ERGIC1: variants seen among roughly 807,000 people sequenced by gnomAD.
ERGIC1 encodes endoplasmic reticulum-Golgi intermediate compartment protein 1.
ERGIC1 carries 19 observed loss-of-function variants against 38.3 expected under a neutral mutation model. The observed-to-expected ratio is 0.50, with a 90% CI of 0.35 to 0.73. The LOEUF (loss-of-function observed/expected upper bound fraction) is 0.73. Among genes scored for constraint, ERGIC1 ranks in the 30% least tolerant of loss-of-function variants. ERGIC1 has a pLI of 0.01. For missense variants in ERGIC1, 294 were observed against 389.2 expected (o/e 0.76, Z 2.06); for synonymous variants, 124 against 157.6 (o/e 0.79, Z 1.60).
chr5:172,914,471 C>T (rs1763298295), intron 4 of ERGIC1: 7 of 595,470 alleles, frequency 1.2e-5, no homozygotes, highest in Middle Eastern at 4.4e-4. Context: ...TTCAGAGGAC[C>T]AGTATGGCAG....
At chr5:172,867,296 T>TCCCA (rs1358647428) in intron 1 of ERGIC1, 2 of 418,910 alleles carry the variant, frequency 4.8e-6, no homozygotes, top group South Asian at 3.4e-5. Flanking sequence ...GTGGTGGACC[T>TCCCA]CCCAGGTGGG....
intron 4 of ERGIC1, among the ~76,000 whole-genome samples, chr5:172,913,542 T>G (rs1763264597): frequency 6.6e-6 from 1 of 152,256 alleles, no homozygotes; most frequent in Non-Finnish European, 1.5e-5. Context: ...TCTGTCCTCA[T>G]CGAGGAACAC....
At chr5:172,919,908 C>T (rs1003689927) in intron 5 of ERGIC1, among the ~76,000 whole-genome samples, 2 of 152,212 alleles carry the variant, frequency 1.3e-5, no homozygotes, top group East Asian at 3.9e-4. Context: ...ATGGCTGCCA[C>T]GTACTAGGTT....
intron 3 of ERGIC1, among the ~76,000 whole-genome samples, chr5:172,908,241 A>G (rs1763085937): frequency 7.1e-6 from 1 of 140,060 alleles, no homozygotes; most frequent in Admixed American, 7.4e-5. Context: ...TGTAAGAGAG[A>G]GGTGGAGGCC....
intron 8 of ERGIC1, 72 bp downstream of exon 8, chr5:172,932,608 C>A: frequency 6.9e-7 from 1 of 1,452,044 alleles, no homozygotes; most frequent in Admixed American, 1.8e-5. Flanking sequence ...AGATGACAGG[C>A]GGCTGCACCG....
At chr5:172,908,328 A>AGGAGGTGGGGGAGGAGGGGG (rs1561729710) in intron 3 of ERGIC1, among the ~76,000 whole-genome samples, 2 of 236 alleles carry the variant, frequency 8.5e-3, no homozygotes, top group Non-Finnish European at 7.7e-3. Flanking sequence ...GAGAGAGGGG[A>AGGAGGTGGGGGAGGAGGGGG]GGGGGGGAGG....
At position 172,914,808 on chromosome 5, in the gene ERGIC1, C is replaced by A; in HGVS notation, c.345C>A (p.Cys115Ter). The change falls in exon 5 of 10, where the codon TGC (cysteine) becomes TGA (stop). Residue 115 changes from cysteine to a stop codon, truncating the protein, a stop_gained. Coordinates refer to ENST00000393784, the MANE Select transcript of ERGIC1 (RefSeq NM_001031711.3). LOFTEE classifies it high-confidence loss of function. ...TCCCGCTGAACAATGGGGCAGGCTG[C>A]CGCTTCGAGGGGCAGTTCAGCATCA... is the stretch of plus-strand genomic sequence containing the variant. ...MKIPLNNGAG[C>*]RFEGQFSINK... 2.5e-6 allele frequency: 4 copies of A among 1,614,200 alleles called. No individual in the cohort carries two copies. Among genetic ancestry groups the A allele is most frequent in the Non-Finnish European group, 3.4e-6 (4 of 1,180,038 alleles).
intron 5 of ERGIC1, 26 bp from the exon 6 acceptor site, chr5:172,923,979 T>A (rs1763593861): frequency 6.2e-7 from 1 of 1,611,092 alleles, no homozygotes; most frequent in Non-Finnish European, 8.5e-7. Context: ...TCAACCAAAC[T>A]CCTGAAACTC....
chr5:172,920,791 C>T (rs929491164), intron 5 of ERGIC1, among the ~76,000 whole-genome samples: 12 of 152,342 alleles, frequency 7.9e-5, no homozygotes, highest in Admixed American at 4.6e-4. Flanking sequence ...GCCCGATCTG[C>T]GGAAGGCCCT....
chr5:172,922,239 A>C (rs146566084), intron 5 of ERGIC1: 1 of 152,386 alleles, frequency 6.6e-6, no homozygotes, highest in African/African-American at 2.4e-5. Context: ...AAGTTTCTTC[A>C]CTGCTCTGAG....
At chr5:172,835,597 G>A (rs576914185) in intron 1 of ERGIC1, among the ~76,000 whole-genome samples, 2 of 152,308 alleles carry the variant, frequency 1.3e-5, no homozygotes, top group South Asian at 4.1e-4. Flanking sequence ...GCCACAGGAG[G>A]TATTTCTTCC....
At position 172,926,896 on chromosome 5, in the gene ERGIC1, GA is replaced by G. The variant is rs1763663974; in HGVS notation, c.541+328del. ...AACTAATTACCTAAGATCCCACAGG[GA>G]GCTATGGCAGAACCAGGATCTGTTC... On this transcript the variant is annotated intron_variant, in intron 7 of 9. Transcript: ENST00000393784. The surrounding 1 kb of genome is among the most constrained non-coding windows in gnomAD (Gnocchi z 5.2). 1.3e-5 allele frequency: 4 copies of G among 316,214 alleles called. No homozygotes were observed. Among genetic ancestry groups the G allele is most frequent in the Non-Finnish European group, 2.4e-5 (4 of 164,028 alleles). 19.6% of individuals were successfully genotyped at this position (316,214 alleles called of 1,614,324 possible). A position where few individuals can be genotyped will look rare whatever the true frequency, so the allele number is the denominator to read the frequency against.
intron 5 of ERGIC1, chr5:172,915,764 C>T (rs1763349938): frequency 2.5e-6 from 1 of 399,940 alleles, no homozygotes; most frequent in African/African-American, 2.1e-5. Flanking sequence ...TCCCACAACT[C>T]CCCTTCCCAG....
At chr5:172,888,547 C>G in intron 1 of ERGIC1, 152 bp from the exon 2 acceptor site, 1 of 700,844 alleles carries the variant, frequency 1.4e-6, no homozygotes, top group South Asian at 1.5e-5. Flanking sequence ...ATCAGAGAAG[C>G]ATCTTGGAGA....
chr5:172,937,882 C>G, intron 9 of ERGIC1: 1 of 151,684 alleles, frequency 6.6e-6, no homozygotes, highest in Admixed American at 6.6e-5. Context: ...CCTGTAATCC[C>G]AGCTACTTGG....
intron 1 of ERGIC1, among the ~76,000 whole-genome samples, chr5:172,877,460 T>TATATA (rs1561713741): frequency 3.5e-4 from 26 of 74,638 alleles, no homozygotes; most frequent in African/African-American, 9.4e-4. Flanking sequence ...ATATATATAT[T>TATATA]TTTTTTTTTT....
In ERGIC1 at chr5:172,909,870, TC is replaced by T. The variant is rs1581565476; in HGVS notation, c.250+113del. ...GACAAGCCAAGCCAACATATGGTTCTCCCCACTCTTTTTTGGAGGAGAATAT... is the reference window on the plus strand; with the variant it reads ...GACAAGCCAAGCCAACATATGGTTCTCCCACTCTTTTTTGGAGGAGAATAT... On this transcript the variant is annotated intron_variant, in intron 4 of 9. Coordinates refer to ENST00000393784, the MANE Select transcript of ERGIC1 (RefSeq NM_001031711.3). 16 of 955,472 alleles carry T rather than the reference TC, an allele frequency of 1.7e-5. No individual in the cohort carries two copies. The East Asian group carries it at 3.6e-4, about 22-fold the overall frequency. 59.2% of individuals were successfully genotyped at this position (955,472 alleles called of 1,614,324 possible). A position where few individuals can be genotyped will look rare whatever the true frequency, so the allele number is the denominator to read the frequency against.
intron 3 of ERGIC1, among the ~76,000 whole-genome samples, chr5:172,902,641 G>A (rs1050562784): frequency 7.2e-5 from 11 of 152,134 alleles, no homozygotes; most frequent in African/African-American, 2.7e-4. Context: ...TGGCTGTCGA[G>A]GGATGTATTT....
At chr5:172,876,981 C>A (rs923501329) in intron 1 of ERGIC1, among the ~76,000 whole-genome samples, 1 of 152,058 alleles carries the variant, frequency 6.6e-6, no homozygotes, top group African/African-American at 2.4e-5. Flanking sequence ...TATCATTTTT[C>A]TTTTATTACT....
Sources: gnomAD v4.1 joint callset for allele counts (sites outside exome capture counted in the v4.1 genomes callset) on GRCh38, gnomAD v4.1.1 for gene constraint, Gnocchi (gnomAD v3.1) non-coding constraint, MANE v1.5 for transcripts, NCBI Gene and HGNC (gene_info 2026-07-23, HGNC 2026-07-21) for gene names.